Variants in GRSF1 observed in about 807,000 individuals in gnomAD.
The protein encoded by GRSF1 is G-rich sequence factor 1.
A neutral mutation model predicts 51.1 loss-of-function variants in GRSF1; 50 were observed. That is an observed-to-expected ratio of 0.98 (90% CI 0.78 to 1.24). GRSF1 has a LOEUF of 1.24. Ranked by LOEUF, GRSF1 falls within the 50% of genes most tolerant of loss-of-function variation. The pLI is 0.00. For missense variants in GRSF1, 700 were observed against 639.7 expected, an observed-to-expected ratio of 1.09 and a Z score of -1.02; for synonymous variants, 293 against 253.3, an observed-to-expected ratio of 1.16 and a Z score of -1.49.
chr4:70,836,240 C>T lies in GRSF1; in HGVS notation c.432G>A (p.Glu144=), dbSNP rs1734203574. The T allele has an allele frequency of 6.2e-7, 1 of 1,610,574 alleles. No homozygotes were observed. The highest frequency in any genetic ancestry group is 8.5e-7 in the Non-Finnish European group (1 of 1,178,442). The change falls in exon 2 of 10, where the codon GAG becomes GAA. Residue 144 remains glutamate, a synonymous_variant. Coordinates refer to ENST00000254799, the MANE Select transcript of GRSF1 (RefSeq NM_002092.4). ...EYELAPSKLE[E]EVDDVFLIRA... is the part of the protein sequence containing the mutation. ...GAATGAGAAAGACATCATCCACTTC[C>T]TCTTCTAACTTGGACGGGGCCAATT...
At chr4:70,834,979 T>C (rs1043754168) in intron 2 of GRSF1, among the ~76,000 whole-genome samples, 4 of 152,130 alleles carry the variant, frequency 2.6e-5, no homozygotes, top group African/African-American at 9.7e-5. Context: ...GGTGTCTTCT[T>C]GTTCCCCTCT....
At chr4:70,841,911 T>C (rs1212547254), upstream of GRSF1, among the ~76,000 whole-genome samples, 1 of 152,146 alleles carries the variant, frequency 6.6e-6, no homozygotes, top group Non-Finnish European at 1.5e-5. Context: ...ACAGTGCAAA[T>C]ACTCCATCTT....
intron 5 of GRSF1, among the ~76,000 whole-genome samples, chr4:70,828,961 A>C (rs1393165070): frequency 6.7e-6 from 1 of 149,712 alleles, no homozygotes; most frequent in Non-Finnish European, 1.5e-5. Flanking sequence ...CTGGTCTCAA[A>C]CTCCAGACCT....
At chr4:70,823,759 A>G (rs1398483410) in intron 9 of GRSF1, among the ~76,000 whole-genome samples, 1 of 152,046 alleles carries the variant, frequency 6.6e-6, no homozygotes, top group African/African-American at 2.4e-5. Flanking sequence ...AGTCCCAGCT[A>G]CTTGGGAGGC....
chr4:70,830,727 G>C (rs1733928736), intron 5 of GRSF1, among the ~76,000 whole-genome samples: 1 of 151,754 alleles, frequency 6.6e-6, no homozygotes, highest in South Asian at 2.1e-4. Context: ...GCTGAGGCAG[G>C]AGGATCACAT....
intron 9 of GRSF1, among the ~76,000 whole-genome samples, chr4:70,823,338 A>T (rs1166677286): frequency 2.8e-4 from 42 of 152,168 alleles, no homozygotes; most frequent in Non-Finnish European, 1.5e-5. Flanking sequence ...TGGAAGTTGC[A>T]GTGAGTGGAG....
At chr4:70,831,922 T>A (rs1487087560) in intron 4 of GRSF1, among the ~76,000 whole-genome samples, 1 of 151,848 alleles carries the variant, frequency 6.6e-6, no homozygotes, top group Non-Finnish European at 1.5e-5. Context: ...TTTTTTTTTT[T>A]TTTTTGCTGT....
At chr4:70,828,915 T>C (rs963386851) in intron 5 of GRSF1, among the ~76,000 whole-genome samples, 4 of 151,968 alleles carry the variant, frequency 2.6e-5, no homozygotes, top group Non-Finnish European at 5.9e-5. Flanking sequence ...TTTTTTGTAT[T>C]TTTAGTAGAG....
chr4:70,840,264 T>C (rs911585280), upstream of GRSF1, among the ~76,000 whole-genome samples: 4 of 152,140 alleles, frequency 2.6e-5, no homozygotes, highest in Non-Finnish European at 5.9e-5. Context: ...CCCGGGGAAG[T>C]GGGTGCAATC....
chr4:70,838,219 C>CAAAAAAAAA lies in GRSF1; in HGVS notation c.357+1243_357+1251dup, dbSNP rs35303311. ...GGGCGACAGAGCGAGACTCGGTCTC[C>CAAAAAAAAA]AAAAAAAAAAAAAAAAAAAGGCTTA... is the stretch of plus-strand genomic sequence containing the variant. On this transcript the variant is annotated intron_variant, in intron 1 of 9. Coordinates refer to ENST00000254799, the MANE Select transcript of GRSF1 (RefSeq NM_002092.4). 1.3e-4 allele frequency among the ~76,000 whole-genome samples: 12 copies of CAAAAAAAAA among 94,604 alleles called. 1 individual carries two copies. The highest frequency in any genetic ancestry group is 4.5e-4 in the African/African-American group (11 of 24,526). The allele number at this position is 94,604 out of a possible 152,430, so 62.1% of individuals were successfully genotyped here. A position where few individuals can be genotyped will look rare whatever the true frequency, so the allele number is the denominator to read the frequency against.
rs1161997576 is a variant in GRSF1, at chr4:70,818,066, T to C, written c.*2821A>G. 6.6e-6 allele frequency: 1 copy of C among 152,170 alleles called. No individual in the cohort carries two copies. Among genetic ancestry groups the C allele is most frequent in the African/African-American group, 2.4e-5 (1 of 41,414 alleles). 9.4% of individuals were successfully genotyped at this position (152,170 alleles called of 1,614,324 possible). Reference sequence around the variant, plus strand: ...TTTGGTTTTTTTGATTTTGACAGAGTCTCACTCTGTTGCCCAGGCTGGAGT... The same window carrying C: ...TTTGGTTTTTTTGATTTTGACAGAGCCTCACTCTGTTGCCCAGGCTGGAGT... On this transcript the variant is annotated 3_prime_UTR_variant, in exon 10 of 10. Transcript: ENST00000254799.
At chr4:70,821,562 C>T (rs1237669382) in intron 9 of GRSF1, among the ~76,000 whole-genome samples, 2 of 148,280 alleles carry the variant, frequency 1.3e-5, no homozygotes, top group Non-Finnish European at 3.0e-5. Flanking sequence ...GCGGAGATCA[C>T]ACCACTGCAC....
In GRSF1 at chr4:70,832,388, G is replaced by A. The variant is rs1362088834; in HGVS notation, c.733C>T (p.Pro245Ser). 8 of 1,610,702 alleles carry A rather than the reference G, an allele frequency of 5.0e-6. No homozygotes were observed. Among genetic ancestry groups the A allele is most frequent in the Non-Finnish European group, 6.8e-6 (8 of 1,177,198 alleles). The change falls in exon 4 of 10, where the codon CCT becomes TCT. Residue 245 changes from proline (P) to serine (S), a missense_variant. Physicochemically the swap from Pro to Ser is moderately conservative, Grantham distance 74 (BLOSUM62 -1). Transcript: ENST00000254799. Reference sequence around the variant, plus strand: ...CGAACCACACCATCATTTACCACAGGCGAAGATTTGACCTGCAAGCTCTTC... The same window carrying A: ...CGAACCACACCATCATTTACCACAGACGAAGATTTGACCTGCAAGCTCTTC... ...LMKSLQVKSSPVVNDGVVRLR... is the reference protein window; with the variant it reads ...LMKSLQVKSSSVVNDGVVRLR...
rs970053795 is a variant in GRSF1 at position 70,820,862 on chromosome 4, C to G, written c.*26-1G>C. The G allele has an allele frequency of 6.6e-6, 1 of 152,518 alleles. No individual in the cohort carries two copies. The highest frequency in any genetic ancestry group is 2.4e-5 in the African/African-American group (1 of 41,416). 9.4% of individuals were successfully genotyped at this position (152,518 alleles called of 1,614,324 possible). On this transcript the variant is annotated splice_acceptor_variant, in intron 9 of 9. Coordinates refer to ENST00000254799, the MANE Select transcript of GRSF1 (RefSeq NM_002092.4). LOFTEE classifies it low-confidence loss of function (3UTR_SPLICE). Reference sequence around the variant, plus strand: ...CAAATGAAATGCTTCTTGCTTCACCCTAAAAATAAAACAAAAAATATTGTA... The same window carrying G: ...CAAATGAAATGCTTCTTGCTTCACCGTAAAAATAAAACAAAAAATATTGTA...
chr4:70,839,692 G>T lies in GRSF1; in HGVS notation c.136C>A (p.Arg46Ser), dbSNP rs769022123. ...AGSIPSGVSG[R>S]RRLLLLLGAA... ...CCGAGCAGCAGCAGCAGGCGGCGGC[G>T]GCCCGAGACGCCCGACGGGATAGAG... Residue 46 changes from arginine (R) to serine (S), a missense_variant, in exon 1 of 10, where the codon CGC becomes AGC. Coordinates refer to ENST00000254799, the MANE Select transcript of GRSF1 (RefSeq NM_002092.4). 1.3e-4 allele frequency: 191 copies of T among 1,452,302 alleles called. 1 individual carries two copies. The Middle Eastern group carries it at 3.1e-3, about 24-fold the overall frequency. The allele number at this position is 1,452,302 out of a possible 1,614,324, so 90.0% of individuals were successfully genotyped here.
At position 70,819,275 on chromosome 4, in the gene GRSF1, A is replaced by G. The variant is rs1431535276; in HGVS notation, c.*1612T>C. 1 of 152,194 alleles carries G rather than the reference A, an allele frequency of 6.6e-6. No homozygotes were observed. Among genetic ancestry groups the G allele is most frequent in the South Asian group, 2.1e-4 (1 of 4,834 alleles). The allele number at this position is 152,194 out of a possible 1,614,324, so 9.4% of individuals were successfully genotyped here. On this transcript the variant is annotated 3_prime_UTR_variant, in exon 10 of 10. Transcript: ENST00000254799. ...AGATACCAAATGTGAAAGAGCAACA[A>G]AGATCACATTCTAATAGTTCGTACA... is the stretch of plus-strand genomic sequence containing the variant.
intron 7 of GRSF1, 59 bp downstream of exon 7, chr4:70,826,065 G>C: frequency 2.8e-6 from 4 of 1,443,500 alleles, no homozygotes; most frequent in Non-Finnish European, 3.8e-6. Flanking sequence ...ATTAATACAA[G>C]TTCAATTTTA....
chr4:70,827,547 G>A (rs1733786077), intron 6 of GRSF1, among the ~76,000 whole-genome samples: 1 of 152,110 alleles, frequency 6.6e-6, no homozygotes, highest in South Asian at 2.1e-4. Context: ...CACTTTAGGA[G>A]GCTGCGGCTC....
At chr4:70,841,633 T>A (rs1249652252), upstream of GRSF1, among the ~76,000 whole-genome samples, 1 of 152,218 alleles carries the variant, frequency 6.6e-6, no homozygotes, top group Non-Finnish European at 1.5e-5. Flanking sequence ...CCTTATTTTC[T>A]TTGCTAGAAT....
Sources: allele counts gnomAD v4.1 joint callset (sites outside exome capture counted in the v4.1 genomes callset), GRCh38; gene constraint gnomAD v4.1.1; transcripts MANE v1.5; gene names NCBI Gene and HGNC (gene_info 2026-07-23, HGNC 2026-07-21).